Variants in KIF6 observed in about 807,000 individuals in gnomAD.
The protein encoded by KIF6 is kinesin family member 6.
In KIF6, 106 loss-of-function variants were observed where a neutral mutation model predicts 112.7. The ratio of observed to expected loss-of-function variants is 0.94; its 90% CI spans 0.80 to 1.11. The LOEUF is 1.11. KIF6 is among the 50% of genes least tolerant of loss of function. The pLI, the probability that KIF6 is intolerant of heterozygous loss-of-function variation, is 0.00. For synonymous variants in KIF6, 339 were observed against 339.9 expected (o/e 1.00, Z 0.03); for missense variants, 929 against 964.0 (o/e 0.96, Z 0.48).
At chr6:39,346,162 T>TC (rs1160976973) in intron 20 of KIF6, among the ~76,000 whole-genome samples, 2 of 137,118 alleles carry the variant, frequency 1.5e-5, no homozygotes, top group African/African-American at 5.3e-5. Context: ...TCTCTCTCTC[T>TC]TTCTCTCCTA....
intron 13 of KIF6, among the ~76,000 whole-genome samples, chr6:39,463,842 A>G (rs1316971829): frequency 6.6e-6 from 1 of 152,166 alleles, no homozygotes; most frequent in Non-Finnish European, 1.5e-5. Flanking sequence ...TTCAGATTTT[A>G]ACCAAATAAG....
intron 16 of KIF6, among the ~76,000 whole-genome samples, chr6:39,381,403 A>G (rs79704339): frequency 0.014 from 2,159 of 152,282 alleles, 60 homozygotes; most frequent in African/African-American, 0.049. Context: ...AAGATACACA[A>G]AAAAGACAGA....
intron 2 of KIF6, among the ~76,000 whole-genome samples, chr6:39,715,886 A>C (rs1316535915): frequency 1.3e-5 from 2 of 152,202 alleles, no homozygotes; most frequent in Non-Finnish European, 1.5e-5. Context: ...TTCAGATATG[A>C]ACACCAACAT....
intron 9 of KIF6, among the ~76,000 whole-genome samples, chr6:39,581,633 T>C (rs1365692005): frequency 1.3e-5 from 2 of 152,170 alleles, no homozygotes; most frequent in Admixed American, 6.5e-5. Context: ...CAAGCTGCCC[T>C]GACATCTCCA....
Position 39,545,475 on chromosome 6 carries a change from C to T in KIF6, c.1287+108G>A, listed in dbSNP as rs57453942. 0.011 allele frequency: 7,077 copies of T among 665,870 alleles called. 355 individuals are homozygous for T. In the African/African-American group the frequency reaches 0.11, roughly 10 times the overall value. The allele number at this position is 665,870 out of a possible 1,614,324, so 41.2% of individuals were successfully genotyped here. On this transcript the variant is annotated intron_variant, in intron 11 of 22. Coordinates refer to ENST00000287152, the MANE Select transcript of KIF6 (RefSeq NM_145027.6). ...TTCAAAGATCGTACCATTTTCTGGA[C>T]ATGCAATGCTGGATCCTAACCTTCC...
intron 18 of KIF6, among the ~76,000 whole-genome samples, 199 bp from the exon 19 acceptor site, chr6:39,357,573 C>T (rs1272854658): frequency 2.0e-5 from 3 of 151,820 alleles, no homozygotes; most frequent in East Asian, 1.9e-4. Context: ...CTCAGCCTCC[C>T]GAGTAGCTGG....
At chr6:39,365,386 C>G (rs1293345471) in intron 16 of KIF6, among the ~76,000 whole-genome samples, 65 of 152,188 alleles carry the variant, frequency 4.3e-4, no homozygotes, top group Non-Finnish European at 4.4e-5. Context: ...CTGTCCACAT[C>G]ACCCACAGCC....
intron 5 of KIF6, among the ~76,000 whole-genome samples, chr6:39,630,195 C>T (rs1445620779): frequency 6.6e-6 from 1 of 151,928 alleles, no homozygotes; most frequent in African/African-American, 2.4e-5. Context: ...AATTTATAGT[C>T]ATTTTATTGA....
chr6:39,560,998 C>T (rs886443999), intron 10 of KIF6, among the ~76,000 whole-genome samples: 1 of 152,192 alleles, frequency 6.6e-6, no homozygotes, highest in African/African-American at 2.4e-5. Context: ...TATGTAATTG[C>T]AGTAGGAAGT....
chr6:39,439,034 A>G (rs915822886), intron 13 of KIF6, among the ~76,000 whole-genome samples: 2 of 152,226 alleles, frequency 1.3e-5, no homozygotes, highest in African/African-American at 4.8e-5. Flanking sequence ...GGTGTGTAGT[A>G]GTCTATACTA....
chr6:39,667,658 A>C (rs1786557481), intron 3 of KIF6, among the ~76,000 whole-genome samples: 1 of 152,214 alleles, frequency 6.6e-6, no homozygotes, highest in Non-Finnish European at 1.5e-5. Context: ...CTTAATTTCC[A>C]AATAAAGACA....
intron 15 of KIF6, among the ~76,000 whole-genome samples, chr6:39,397,230 C>T (rs561161312): frequency 1.9e-4 from 29 of 152,148 alleles, no homozygotes; most frequent in Non-Finnish European, 4.1e-4. Flanking sequence ...CTTCCATATT[C>T]CGTTATAGTC....
At chr6:39,344,499 T>A (rs1349753715) in intron 21 of KIF6, among the ~76,000 whole-genome samples, 1 of 152,170 alleles carries the variant, frequency 6.6e-6, no homozygotes, top group Non-Finnish European at 1.5e-5. Flanking sequence ...CCCCCTTTTC[T>A]TTCAGTGACT....
At chr6:39,375,962 T>G (rs1050361270) in intron 16 of KIF6, among the ~76,000 whole-genome samples, 5 of 152,094 alleles carry the variant, frequency 3.3e-5, no homozygotes, top group Non-Finnish European at 7.4e-5. Flanking sequence ...ACTCAATGGG[T>G]CTGAACCCTT....
intron 13 of KIF6, among the ~76,000 whole-genome samples, chr6:39,455,429 A>G (rs919561307): frequency 1.3e-4 from 19 of 151,850 alleles, no homozygotes; most frequent in African/African-American, 4.4e-4. Context: ...AAAAAACAGA[A>G]CAGAAAAACT....
intron 13 of KIF6, among the ~76,000 whole-genome samples, chr6:39,476,716 T>C (rs578247018): frequency 4.6e-5 from 7 of 152,350 alleles, no homozygotes; most frequent in African/African-American, 1.7e-4. Context: ...ATTCTTCTTT[T>C]CCCAGTCCCT....
At chr6:39,454,448 A>T (rs1376682563) in intron 13 of KIF6, among the ~76,000 whole-genome samples, 1 of 151,600 alleles carries the variant, frequency 6.6e-6, no homozygotes, top group Non-Finnish European at 1.5e-5. Flanking sequence ...GTGACACCCG[A>T]TATCCAGGAG....
intron 13 of KIF6, among the ~76,000 whole-genome samples, chr6:39,461,232 A>G (rs1318355480): frequency 1.3e-5 from 2 of 152,176 alleles, no homozygotes; most frequent in African/African-American, 2.4e-5. Flanking sequence ...CAATTATAGC[A>G]TTCATCATAT....
intron 14 of KIF6, among the ~76,000 whole-genome samples, chr6:39,421,205 G>A (rs767793528): frequency 2.6e-5 from 4 of 152,194 alleles, no homozygotes; most frequent in Admixed American, 6.5e-5. Context: ...ACGAGTGAGC[G>A]GAGAGCTGTC....
Sources: gnomAD v4.1 joint callset for allele counts (sites outside exome capture counted in the v4.1 genomes callset) on GRCh38, gnomAD v4.1.1 for gene constraint, MANE v1.5 for transcripts, NCBI Gene and HGNC (gene_info 2026-07-23, HGNC 2026-07-21) for gene names.